The following EPC2 variants were observed in gnomAD, a reference collection of about 807,000 sequenced individuals.
EPC2 encodes enhancer of polycomb homolog 2.
A neutral mutation model predicts 92.1 loss-of-function variants in EPC2; 14 were observed. That is an observed-to-expected ratio of 0.15 (90% CI 0.10 to 0.24). EPC2 has a LOEUF of 0.24. Ranked by LOEUF, EPC2 falls within the 10% of genes least tolerant of loss-of-function variation. The pLI, the probability that EPC2 is intolerant of heterozygous loss-of-function variation, is 1.00. For missense variants in EPC2, 755 were observed against 971.5 expected (o/e 0.78, Z 2.96); for synonymous variants, 340 against 334.7 (o/e 1.02, Z -0.17).
At chr2:148,779,862 T>G (rs1683714897) in intron 10 of EPC2, among the ~76,000 whole-genome samples, 1 of 152,178 alleles carries the variant, frequency 6.6e-6, no homozygotes, top group African/African-American at 2.4e-5. Context: ...AGATTCCAAG[T>G]CCATTTCTTT....
At chr2:148,745,994 G>A (rs185739866) in intron 3 of EPC2, among the ~76,000 whole-genome samples, 1 of 152,138 alleles carries the variant, frequency 6.6e-6, no homozygotes, top group East Asian at 1.9e-4. Context: ...ATGTCTTGGA[G>A]CTGTCTTCAC....
intron 1 of EPC2, among the ~76,000 whole-genome samples, chr2:148,650,149 T>C (rs1231065647): frequency 6.6e-6 from 1 of 152,206 alleles, no homozygotes; most frequent in East Asian, 1.9e-4. Context: ...CTCATTAATA[T>C]ATTCCAAGTG....
intron 2 of EPC2, among the ~76,000 whole-genome samples, chr2:148,713,303 G>A (rs1682192674): frequency 6.6e-6 from 1 of 152,130 alleles, no homozygotes; most frequent in Non-Finnish European, 1.5e-5. Context: ...ATGACCCAGT[G>A]TAGGCCTAGG....
intron 1 of EPC2, among the ~76,000 whole-genome samples, chr2:148,652,499 G>T (rs16829125): frequency 6.6e-6 from 1 of 152,016 alleles, no homozygotes; most frequent in African/African-American, 2.4e-5. Flanking sequence ...GATGAGTTTT[G>T]TTTGACCGCG....
intron 1 of EPC2, 38 bp downstream of exon 1, chr2:148,645,208 T>G: frequency 6.9e-7 from 1 of 1,453,640 alleles, no homozygotes; most frequent in Non-Finnish European, 9.3e-7. Flanking sequence ...CCTTCCCTCC[T>G]CCCCCCTCCC....
In EPC2 at chr2:148,784,799, C is replaced by G; in HGVS notation, c.2149C>G (p.Pro717Ala). ...AATCCCAGCATTGTGCACAAGCAGTCCTCAGACACTTCCCATGAACAATTC... is the reference window on the plus strand; with the variant it reads ...AATCCCAGCATTGTGCACAAGCAGTGCTCAGACACTTCCCATGAACAATTC... Reference protein sequence around the residue: ...HLIPALCTSSPQTLPMNNSCL... With the variant: ...HLIPALCTSSAQTLPMNNSCL... Residue 717 changes from proline (P) to alanine (A), a missense_variant, in exon 13 of 14, where the codon CCT becomes GCT. Physicochemically the swap from Pro to Ala is conservative, Grantham distance 27 (BLOSUM62 -1). This residue lies in a region of EPC2 where 207 missense variants were observed against 260.5 expected (regional missense o/e 0.79). Transcript: ENST00000258484. The G allele has an allele frequency of 1.2e-6, 2 of 1,613,994 alleles. No individual in the cohort carries two copies. Among genetic ancestry groups the G allele is most frequent in the Non-Finnish European group, 1.7e-6 (2 of 1,179,878 alleles).
intron 5 of EPC2, 22 bp from the exon 6 acceptor site, chr2:148,762,648 A>G: frequency 6.5e-7 from 1 of 1,534,992 alleles, no homozygotes; most frequent in Non-Finnish European, 8.8e-7. Context: ...ATGTTTTCTT[A>G]TATTTTTGTT....
chr2:148,711,823 T>G lies in EPC2; in HGVS notation c.313+21450T>G, dbSNP rs77740221. On this transcript the variant is annotated intron_variant, in intron 2 of 13. Coordinates refer to ENST00000258484, the MANE Select transcript of EPC2 (RefSeq NM_015630.4). ...ATCTTCTTGGAGAATTGACTCTTATTATGTAATATGCCTCTTCATCCCTAA... is the reference window on the plus strand; with the variant it reads ...ATCTTCTTGGAGAATTGACTCTTATGATGTAATATGCCTCTTCATCCCTAA... Among the ~76,000 whole-genome samples, 122 of 152,326 alleles carry G rather than the reference T, an allele frequency of 8.0e-4. 2 individuals carry two copies. In the East Asian group the frequency reaches 0.022, roughly 28 times the overall value.
chr2:148,777,931 A>G (rs1683676808), intron 10 of EPC2, among the ~76,000 whole-genome samples: 1 of 152,224 alleles, frequency 6.6e-6, no homozygotes, highest in South Asian at 2.1e-4. Flanking sequence ...CAACATATCT[A>G]GAAATGCAAG....
intron 1 of EPC2, among the ~76,000 whole-genome samples, chr2:148,681,827 C>T (rs1009969068): frequency 4.6e-5 from 7 of 152,092 alleles, no homozygotes; most frequent in Admixed American, 6.5e-5. Context: ...CCTATTAACT[C>T]GTCATTTACA....
At chr2:148,683,283 T>G (rs926558239) in intron 1 of EPC2, among the ~76,000 whole-genome samples, 8 of 151,960 alleles carry the variant, frequency 5.3e-5, no homozygotes, top group Non-Finnish European at 1.2e-4. Context: ...TTTTTTTTTT[T>G]TTGAGATGGA....
chr2:148,679,808 G>C (rs1681357430), intron 1 of EPC2, among the ~76,000 whole-genome samples: 1 of 152,090 alleles, frequency 6.6e-6, no homozygotes, highest in Non-Finnish European at 1.5e-5. Context: ...ACCACATCCA[G>C]CTAATTTTTA....
At chr2:148,677,875 C>T (rs1350661813) in intron 1 of EPC2, among the ~76,000 whole-genome samples, 2 of 152,118 alleles carry the variant, frequency 1.3e-5, no homozygotes. Context: ...AGCTGCAGAC[C>T]TTCACGGTGA....
intron 7 of EPC2, among the ~76,000 whole-genome samples, chr2:148,766,878 C>T (rs1163753886): frequency 1.3e-5 from 2 of 152,052 alleles, no homozygotes; most frequent in East Asian, 3.9e-4. Context: ...TATATATTTC[C>T]AGCCCTTTAA....
intron 1 of EPC2, among the ~76,000 whole-genome samples, chr2:148,674,045 T>C (rs1379650769): frequency 2.6e-5 from 4 of 152,252 alleles, no homozygotes; most frequent in Non-Finnish European, 5.9e-5. Flanking sequence ...GCTTCTTTTT[T>C]TCTTATTTTT....
intron 2 of EPC2, among the ~76,000 whole-genome samples, chr2:148,726,765 G>GTTTTTTTTTTTTTTTTTGTTTTTTT (rs201293391): frequency 1.1e-4 from 11 of 100,600 alleles, no homozygotes; most frequent in Admixed American, 3.0e-4. Context: ...TTTGTTTTTT[G>GTTTTTTTTTTTTTTTTTGTTTTTTT]TTTTTTTTTT....
At chr2:148,692,103 A>G (rs948800092) in intron 2 of EPC2, 1 of 252,874 alleles carries the variant, frequency 4.0e-6, no homozygotes, top group African/African-American at 2.3e-5. Context: ...TCTGTGTACC[A>G]TAGGGACTAC....
intron 1 of EPC2, among the ~76,000 whole-genome samples, chr2:148,655,867 T>C (rs1313409583): frequency 1.3e-5 from 2 of 152,204 alleles, no homozygotes; most frequent in Non-Finnish European, 2.9e-5. Context: ...CATTTACTAC[T>C]AGCTTTTTAA....
chr2:148,659,265 A>G (rs1415018543), intron 1 of EPC2, among the ~76,000 whole-genome samples: 1 of 152,026 alleles, frequency 6.6e-6, no homozygotes, highest in Non-Finnish European at 1.5e-5. Context: ...TTTCATATGG[A>G]TGTTTACCAC....
Sources: gnomAD v4.1 joint callset for allele counts (sites outside exome capture counted in the v4.1 genomes callset) on GRCh38, gnomAD v4.1.1 for gene constraint, gnomAD v4.1.1 regional missense constraint, MANE v1.5 for transcripts, NCBI Gene and HGNC (gene_info 2026-07-23, HGNC 2026-07-21) for gene names.